The following TEX14 variants were observed in gnomAD, a reference collection of about 807,000 sequenced individuals.
TEX14 encodes the protein inactive serine/threonine-protein kinase TEX14.
TEX14 carries 168 observed loss-of-function variants against 178.6 expected under a neutral mutation model. The ratio of observed to expected loss-of-function variants is 0.94; its 90% CI spans 0.83 to 1.07. TEX14 has a LOEUF of 1.07. TEX14 is among the 50% of genes least tolerant of loss of function. The pLI, the probability that TEX14 is intolerant of heterozygous loss-of-function variation, is 0.00. For synonymous variants in TEX14, 626 were observed against 634.1 expected (o/e 0.99, Z 0.19); for missense variants, 1,730 against 1,753.6 (o/e 0.99, Z 0.24).
In TEX14 at chr17:58,651,971, AG is replaced by A; in HGVS notation, c.30del (p.Cys11ValfsTer8). On this transcript the variant is annotated frameshift_variant, in exon 2 of 32. Coordinates refer to ENST00000349033, the MANE Select transcript of TEX14 (RefSeq NM_031272.5). LOFTEE classifies it high-confidence loss of function. MSRAVRLPV[P>X]CPVQLGTLRN... ...CTTAAGGTACCAAGTTGAACAGGAC[AG>A]GGGACTGGAAGACGAACAGCCCGAG... 5 of 1,603,752 alleles carry A rather than the reference AG, an allele frequency of 3.1e-6. No individual in the cohort carries two copies. Among genetic ancestry groups the A allele is most frequent in the Non-Finnish European group, 4.2e-6 (5 of 1,176,666 alleles).
At chr17:58,562,051 C>T (rs2044284229) in intron 28 of TEX14, among the ~76,000 whole-genome samples, 1 of 152,110 alleles carries the variant, frequency 6.6e-6, no homozygotes, top group South Asian at 2.1e-4. Flanking sequence ...CGCGACTGCA[C>T]TCTAGCCTGG....
chr17:58,571,435 G>T (rs190717119), intron 24 of TEX14, among the ~76,000 whole-genome samples: 2 of 151,012 alleles, frequency 1.3e-5, no homozygotes, highest in Non-Finnish European at 3.0e-5. Context: ...ATGGGGTTTC[G>T]TCATGCTGCC....
chr17:58,581,602 G>A lies in TEX14; in HGVS notation c.3172-1871C>T, dbSNP rs375088945. ...GAAAAGGTACTTTACCCTGAACTGC[G>A]TTTTTTACCTCTAGAGCTAAGTTTT... On this transcript the variant is annotated intron_variant, in intron 19 of 31. Transcript: ENST00000349033. The A allele has an allele frequency of 3.3e-5, 53 of 1,612,828 alleles. No homozygotes were observed. The Middle Eastern group carries it at 8.3e-4, about 25-fold the overall frequency.
intron 10 of TEX14, among the ~76,000 whole-genome samples, chr17:58,608,407 AC>A (rs1212874590): frequency 3.4e-5 from 5 of 147,758 alleles, no homozygotes; most frequent in East Asian, 2.0e-4. Flanking sequence ...ACAGAGCGAG[AC>A]TCCATCTCAA....
At chr17:58,627,738 C>G (rs1397189164) in intron 3 of TEX14, among the ~76,000 whole-genome samples, 1 of 147,856 alleles carries the variant, frequency 6.8e-6, no homozygotes, top group East Asian at 2.0e-4. Context: ...CCACTGCACT[C>G]CAGCCTGGGT....
rs566843082 is a variant in TEX14 at position 58,583,867 on chromosome 17, A to G, written c.3171+633T>C. Among the ~76,000 whole-genome samples, 11 of 152,332 alleles carry G rather than the reference A, an allele frequency of 7.2e-5. No individual in the cohort carries two copies. In the South Asian group the frequency reaches 2.3e-3, roughly 32 times the overall value. On this transcript the variant is annotated intron_variant, in intron 19 of 31. Transcript: ENST00000349033. ...TCAAAAGACCTTACATTTTATCACT[A>G]TTGTATTCATATATTGTATCATTCT...
chr17:58,579,799 A>G, intron 19 of TEX14, 68 bp from the exon 20 acceptor site: 1 of 1,241,100 alleles, frequency 8.1e-7, no homozygotes, highest in South Asian at 1.3e-5. Context: ...AAAGGTCAAT[A>G]ATTTCTTGAT....
At chr17:58,643,503 G>A (rs991606200) in intron 2 of TEX14, among the ~76,000 whole-genome samples, 4 of 151,884 alleles carry the variant, frequency 2.6e-5, no homozygotes, top group African/African-American at 9.7e-5. Flanking sequence ...GCAGTGGCAT[G>A]TGAGTCTGTC....
intron 15 of TEX14, among the ~76,000 whole-genome samples, chr17:58,588,580 C>T (rs773327981): frequency 7.2e-5 from 11 of 152,126 alleles, no homozygotes; most frequent in East Asian, 1.9e-4. Context: ...CCACCATGCC[C>T]GGCCTAACGT....
At position 58,621,193 on chromosome 17, in the gene TEX14, T is replaced by A. The variant is rs1365136185; in HGVS notation, c.554+457A>T. Among the ~76,000 whole-genome samples the A allele has an allele frequency of 2.0e-5, 3 of 152,268 alleles. No individual in the cohort carries two copies. The East Asian group carries it at 5.8e-4, about 29-fold the overall frequency. On this transcript the variant is annotated intron_variant, in intron 5 of 31. Transcript: ENST00000349033. ...TGATGGGAGAAGAGGGGGCTGCCCATCCAGCTGGCAGCAAGTCTCTCGTAT... is the reference window on the plus strand; with the variant it reads ...TGATGGGAGAAGAGGGGGCTGCCCAACCAGCTGGCAGCAAGTCTCTCGTAT...
Position 58,557,852 on chromosome 17 carries a change from TTGA to T in TEX14, c.4268-5_4268-3del, listed in dbSNP as rs1445996949. 55 of 1,610,686 alleles carry T rather than the reference TTGA, an allele frequency of 3.4e-5. No homozygotes were observed. Among genetic ancestry groups the T allele is most frequent in the Non-Finnish European group, 4.7e-5 (55 of 1,177,912 alleles). The stretch of plus-strand genomic sequence containing the variant: ...TCCAAAAACAGGATTTTAGTTCATC[TTGA>T]TGAAATATAAGAGGAAGGAAAAAAC... On this transcript the variant is annotated splice_region_variant and splice_polypyrimidine_tract_variant and intron_variant, in intron 30 of 31. Coordinates refer to ENST00000349033, the MANE Select transcript of TEX14 (RefSeq NM_031272.5).
At chr17:58,650,332 G>T (rs569143045) in intron 2 of TEX14, among the ~76,000 whole-genome samples, 2 of 152,074 alleles carry the variant, frequency 1.3e-5, no homozygotes, top group African/African-American at 2.4e-5. Context: ...GATTACAGGT[G>T]TGAGTCACCA....
intron 21 of TEX14, among the ~76,000 whole-genome samples, chr17:58,575,833 TA>T (rs2044662417): frequency 6.6e-6 from 1 of 152,226 alleles, no homozygotes; most frequent in South Asian, 2.1e-4. Context: ...TTTAAACCAC[TA>T]AAATTTGGGA....
chr17:58,675,321 G>T, intron 1 of TEX14: 2 of 153,418 alleles, frequency 1.3e-5, no homozygotes, highest in South Asian at 3.6e-4. Context: ...TGATTTTCCC[G>T]AAAAAAGCTA....
chr17:58,569,159 C>T lies in TEX14; in HGVS notation c.3886+33G>A, dbSNP rs767456579. ...TGGTCAGTGACATAACTAACAGGGCCGAGAAGTATATTCTGTATTGAACAT... is the reference window on the plus strand; with the variant it reads ...TGGTCAGTGACATAACTAACAGGGCTGAGAAGTATATTCTGTATTGAACAT... On this transcript the variant is annotated intron_variant, in intron 26 of 31. Transcript: ENST00000349033. This position sits in a 1 kb window ranked among gnomAD's most constrained non-coding sequence, Gnocchi z 4.1. 8.9e-6 allele frequency: 14 copies of T among 1,567,448 alleles called. No homozygotes were observed. Among genetic ancestry groups the T allele is most frequent in the African/African-American group, 6.8e-5 (5 of 73,904 alleles).
chr17:58,573,106 C>G, intron 23 of TEX14, 75 bp downstream of exon 23: 1 of 1,573,840 alleles, frequency 6.4e-7, no homozygotes, highest in South Asian at 1.2e-5. Context: ...TCTGATACCA[C>G]GGCTTGGCTT....
intron 1 of TEX14, among the ~76,000 whole-genome samples, chr17:58,691,068 T>C (rs940992125): frequency 5.9e-5 from 9 of 151,980 alleles, no homozygotes; most frequent in Admixed American, 5.9e-4. Context: ...TTGTCGAGGC[T>C]GGTCTCAAAC....
intron 15 of TEX14, among the ~76,000 whole-genome samples, chr17:58,588,531 C>T (rs2045038968): frequency 6.6e-6 from 1 of 151,994 alleles, no homozygotes; most frequent in South Asian, 2.1e-4. Flanking sequence ...GTGATCCACC[C>T]ACCTCGGCCT....
chr17:58,589,802 C>A (rs142033911), intron 15 of TEX14, among the ~76,000 whole-genome samples: 1 of 151,676 alleles, frequency 6.6e-6, no homozygotes, highest in African/African-American at 2.4e-5. Flanking sequence ...CAGGCTCCAG[C>A]GATCCTCCCA....
Sources: allele counts gnomAD v4.1 joint callset (sites outside exome capture counted in the v4.1 genomes callset), GRCh38; gene constraint gnomAD v4.1.1; non-coding constraint Gnocchi (gnomAD v3.1); transcripts MANE v1.5; gene names NCBI Gene and HGNC (gene_info 2026-07-23, HGNC 2026-07-21).